Variants in RUSC1 observed in about 807,000 individuals in gnomAD.
RUSC1 encodes the protein AP-4 complex accessory subunit RUSC1.
RUSC1 carries 40 observed loss-of-function variants against 72.1 expected under a neutral mutation model. The ratio of observed to expected loss-of-function variants is 0.55; its 90% CI spans 0.43 to 0.72. The LOEUF is 0.72. Among genes scored for constraint, RUSC1 ranks in the 30% least tolerant of loss-of-function variants. The probability of loss-of-function intolerance (pLI) is 0.00; values close to 1 mark genes in which losing one functional copy is unlikely to be tolerated. For synonymous variants in RUSC1, 512 were observed against 494.2 expected (o/e 1.04, Z -0.48); for missense variants, 1,092 against 1,172.3 (o/e 0.93, Z 1.00).
intron 2 of RUSC1, chr1:155,324,045 A>C: frequency 1.8e-6 from 2 of 1,087,948 alleles, no homozygotes; most frequent in South Asian, 5.1e-5. Flanking sequence ...CTCTCCCTCC[A>C]GACCCACCTG....
chr1:155,324,708 C>T, intron 2 of RUSC1, 137 bp from the exon 3 acceptor site: 2 of 1,557,020 alleles, frequency 1.3e-6, no homozygotes, highest in South Asian at 2.4e-5. Flanking sequence ...GTGCTTCAGG[C>T]GGTCCTGCGC....
chr1:155,325,757 T>TCC lies in RUSC1; in HGVS notation c.1814+88_1814+89dup, dbSNP rs1443450599. 1.3e-6 allele frequency: 2 copies of TCC among 1,582,794 alleles called. No homozygotes were observed. The highest frequency in any genetic ancestry group is 2.7e-5 in the African/African-American group (2 of 74,064). On this transcript the variant is annotated intron_variant, in intron 6 of 9. Transcript: ENST00000368352. The surrounding 1 kb of genome is among the most constrained non-coding windows in gnomAD (Gnocchi z 6.5). ...TGGGACACAGTAGTAGTGCCTCACA[T>TCC]CCCCAGAGAAGGCCCCCCCTCTTCC...
chr1:155,323,831 A>C, intron 2 of RUSC1: 1 of 788,394 alleles, frequency 1.3e-6, no homozygotes, highest in Non-Finnish European at 1.5e-6. Flanking sequence ...GACCCGGGCT[A>C]GCCCCGCGGG....
rs186979612 is a variant in RUSC1, at chr1:155,329,790, A to T, written c.2541-613A>T. Among the ~76,000 whole-genome samples the T allele has an allele frequency of 5.8e-4, 88 of 151,910 alleles. No individual in the cohort carries two copies. In the East Asian group the frequency reaches 0.016, roughly 28 times the overall value. On this transcript the variant is annotated intron_variant, in intron 9 of 9. Coordinates refer to ENST00000368352, the MANE Select transcript of RUSC1 (RefSeq NM_001105203.2). The stretch of plus-strand genomic sequence containing the variant: ...GTCAACATGGTGAAACCCCGTCTCT[A>T]CTAAAAATACAAAAATTAGCCAGGC...
At chr1:155,321,142 C>G in intron 1 of RUSC1, 151 bp downstream of exon 1, 2 of 1,378,018 alleles carry the variant, frequency 1.5e-6, no homozygotes, top group South Asian at 2.3e-5. Flanking sequence ...TACCGCTGTT[C>G]CGAGGGGCGA....
rs1157861864 is a variant in RUSC1, at chr1:155,326,510, T to G, written c.1862-70T>G. The G allele has an allele frequency of 2.7e-6, 4 of 1,463,904 alleles. No individual in the cohort carries two copies. Among genetic ancestry groups the G allele is most frequent in the Admixed American group, 2.0e-5 (1 of 51,154 alleles). The allele number at this position is 1,463,904 out of a possible 1,614,324, so 90.7% of individuals were successfully genotyped here. On this transcript the variant is annotated intron_variant, in intron 7 of 9. Transcript: ENST00000368352. This position sits in a 1 kb window ranked among gnomAD's most constrained non-coding sequence, Gnocchi z 4.7. Reference sequence around the variant, plus strand: ...GCCTGGGAAGATGTGTGCTGACTGGTGGGCTGCTCTGGGGGGTCTTCTGGG... The same window carrying G: ...GCCTGGGAAGATGTGTGCTGACTGGGGGGCTGCTCTGGGGGGTCTTCTGGG...
chr1:155,330,491 G>A lies in RUSC1; in HGVS notation c.2629G>A (p.Val877Met). 1 of 1,614,104 alleles carries A rather than the reference G, an allele frequency of 6.2e-7. No homozygotes were observed. Among genetic ancestry groups the A allele is most frequent in the Non-Finnish European group, 8.5e-7 (1 of 1,180,016 alleles). The change falls in exon 10 of 10, where the codon GTG becomes ATG. Residue 877 changes from valine (V) to methionine (M), a missense_variant. Coordinates refer to ENST00000368352, the MANE Select transcript of RUSC1 (RefSeq NM_001105203.2). ...GGAAGTGCTGCGTGTCATCACCACA[G>A]TGGATGAGGACTGGCTCCGCTGTGG... ...RGEVLRVITT[V>M]DEDWLRCGRD...
At chr1:155,321,095 G>A (rs771431669) in intron 1 of RUSC1, 104 bp downstream of exon 1, 170 of 1,396,700 alleles carry the variant, frequency 1.2e-4, no homozygotes, top group Non-Finnish European at 1.6e-4. Context: ...GTGCGGTGGT[G>A]GCTGAACGAT....
Position 155,322,169 on chromosome 1 carries a change from C to A in RUSC1, c.396C>A (p.Ala132=). Residue 132 remains alanine (A), a synonymous_variant, in exon 2 of 10, where the codon GCC becomes GCA. Coordinates refer to ENST00000368352, the MANE Select transcript of RUSC1 (RefSeq NM_001105203.2). ...GGGACCTCCCTGGTGATGAGGATGC[C>A]CACCCTCAGCCCAGTATCATCCCCC... ...YLRDLPGDED[A]HPQPSIIPLE... is the part of the protein sequence containing the mutation. 6.2e-7 allele frequency: 1 copy of A among 1,600,658 alleles called. No individual in the cohort carries two copies. Among genetic ancestry groups the A allele is most frequent in the Non-Finnish European group, 8.5e-7 (1 of 1,171,312 alleles).
Position 155,326,827 on chromosome 1 carries a change from C to A in RUSC1, c.2109C>A (p.Ala703=). 6.2e-7 allele frequency: 1 copy of A among 1,613,610 alleles called. No individual in the cohort carries two copies. Among genetic ancestry groups the A allele is most frequent in the Non-Finnish European group, 8.5e-7 (1 of 1,180,046 alleles). The change falls in exon 8 of 10, where the codon GCC becomes GCA. Residue 703 remains alanine, a synonymous_variant. Transcript: ENST00000368352. This position sits in a 1 kb window ranked among gnomAD's most constrained non-coding sequence, Gnocchi z 4.7. ...QAMLHFGGRL[A]QSLRGTSKEA... ...TGCTGCACTTTGGGGGCCGGCTGGC[C>A]CAGAGCCTTCGGGGGACTTCCAAGG...
At position 155,321,555 on chromosome 1, in the gene RUSC1, G is replaced by A. The variant is rs1158511923; in HGVS notation, c.-86-133G>A. The A allele has an allele frequency of 5.3e-6, 7 of 1,324,600 alleles. No homozygotes were observed. In the African/African-American group the frequency reaches 6.0e-5, roughly 11 times the overall value. 82.1% of individuals were successfully genotyped at this position (1,324,600 alleles called of 1,614,324 possible). ...TGGAAACTAATGGTCAGTCGATTGC[G>A]ATTTGCATCTCATTGAAATATCTTC... is the stretch of plus-strand genomic sequence containing the variant. On this transcript the variant is annotated intron_variant, in intron 1 of 9. Coordinates refer to ENST00000368352, the MANE Select transcript of RUSC1 (RefSeq NM_001105203.2).
Position 155,325,257 on chromosome 1 carries a change from AG to A in RUSC1, c.1534-57del, listed in dbSNP as rs1326441110. 2.5e-6 allele frequency: 4 copies of A among 1,609,900 alleles called. No homozygotes were observed. Among genetic ancestry groups the A allele is most frequent in the Non-Finnish European group, 3.4e-6 (4 of 1,179,802 alleles). ...GGGGGGTGCGGGAATGGTTGGCGGG[AG>A]GTGGCTGGGAGGTGTCTGGAGGGAT... On this transcript the variant is annotated intron_variant, in intron 4 of 9. Transcript: ENST00000368352. This position sits in a 1 kb window ranked among gnomAD's most constrained non-coding sequence, Gnocchi z 6.5.
In RUSC1 at chr1:155,326,085, C is replaced by A; in HGVS notation, c.1861+175C>A. 3 of 716,320 alleles carry A rather than the reference C, an allele frequency of 4.2e-6. No individual in the cohort carries two copies. The highest frequency in any genetic ancestry group is 7.0e-6 in the Non-Finnish European group (3 of 429,178). 44.4% of individuals were successfully genotyped at this position (716,320 alleles called of 1,614,324 possible). A position where few individuals can be genotyped will look rare whatever the true frequency, so the allele number is the denominator to read the frequency against. ...GCCCATCGCCCATAGGATGAAAGACCCAAAGCCTTGGCTGTCTGGCCTCTG... is the reference window on the plus strand; with the variant it reads ...GCCCATCGCCCATAGGATGAAAGACACAAAGCCTTGGCTGTCTGGCCTCTG... On this transcript the variant is annotated intron_variant, in intron 7 of 9. Transcript: ENST00000368352. The surrounding 1 kb of genome is among the most constrained non-coding windows in gnomAD (Gnocchi z 4.7).
rs750732069 is a variant in RUSC1, at chr1:155,326,848, C to A, written c.2130C>A (p.Ser710=). 20 of 1,613,682 alleles carry A rather than the reference C, an allele frequency of 1.2e-5. No individual in the cohort carries two copies. The South Asian group carries it at 2.2e-4, about 18-fold the overall frequency. Residue 710 remains serine, a synonymous_variant, in exon 8 of 10, where the codon TCC becomes TCA. Transcript: ENST00000368352. This position sits in a 1 kb window ranked among gnomAD's most constrained non-coding sequence, Gnocchi z 4.7. The part of the protein sequence containing the change: ...GRLAQSLRGT[S]KEAASDPSDS... ...TGGCCCAGAGCCTTCGGGGGACTTCCAAGGAAGCTGCTTCAGACCCCTCTG... is the reference window on the plus strand; with the variant it reads ...TGGCCCAGAGCCTTCGGGGGACTTCAAAGGAAGCTGCTTCAGACCCCTCTG...
rs147951352 is a variant in RUSC1 at position 155,330,418 on chromosome 1, C to G, written c.2556C>G (p.Leu852=). Residue 852 remains leucine (L), a synonymous_variant, in exon 10 of 10, where the codon CTC becomes CTG. Transcript: ENST00000368352. Reference sequence around the variant, plus strand: ...CTCCCCTCAGGGCAGTGCGGGCTCTCTGTGATCACACTGCTGCAAGACCTG... The same window carrying G: ...CTCCCCTCAGGGCAGTGCGGGCTCTGTGTGATCACACTGCTGCAAGACCTG... ...MVQTHRAVRA[L]CDHTAARPDQ... 20 of 1,612,758 alleles carry G rather than the reference C, an allele frequency of 1.2e-5. No individual in the cohort carries two copies. Among genetic ancestry groups the G allele is most frequent in the Non-Finnish European group, 1.6e-5 (19 of 1,180,046 alleles).
In RUSC1 at chr1:155,328,182, G is replaced by A; in HGVS notation, c.2447G>A (p.Ser816Asn). The A allele has an allele frequency of 6.2e-7, 1 of 1,613,582 alleles. No individual in the cohort carries two copies. The highest frequency in any genetic ancestry group is 8.5e-7 in the Non-Finnish European group (1 of 1,179,792). Residue 816 changes from serine to asparagine, a missense_variant, in exon 9 of 10, where the codon AGT (serine) becomes AAT (asparagine). Transcript: ENST00000368352. ...RPSSWLPPTV[S>N]VLALVKRGAP... ...TCTAGCTGGCTGCCCCCGACAGTGA[G>A]TGTGTTGGCTCTTGTGAAGCGGGGG...
At chr1:155,324,696 C>T in intron 2 of RUSC1, 149 bp from the exon 3 acceptor site, 7 of 1,554,150 alleles carry the variant, frequency 4.5e-6, no homozygotes, top group South Asian at 1.2e-5. Context: ...TCGAGCTACC[C>T]CGTGCTTCAG....
intron 1 of RUSC1, chr1:155,321,299 C>T (rs748740792): frequency 2.2e-6 from 3 of 1,370,868 alleles, no homozygotes; most frequent in East Asian, 4.5e-5. Flanking sequence ...CATCCTCCAC[C>T]TCCTTTCAGG....
At position 155,323,047 on chromosome 1, in the gene RUSC1, C is replaced by T; in HGVS notation, c.1274C>T (p.Ser425Phe). The change falls in exon 2 of 10, where the codon TCC becomes TTC. Residue 425 changes from serine to phenylalanine, a missense_variant. By Grantham distance (155) the Ser-to-Phe change is radical. Coordinates refer to ENST00000368352, the MANE Select transcript of RUSC1 (RefSeq NM_001105203.2). The stretch of plus-strand genomic sequence containing the variant: ...CTGCAGCCCATAGCGGAGGGGCAGT[C>T]CGAGGAGGGCCGGGCTGTCAGCCCA... ...PGLQPIAEGQSEEGRAVSPAA... is the reference protein window; with the variant it reads ...PGLQPIAEGQFEEGRAVSPAA... The T allele has an allele frequency of 6.9e-7, 1 of 1,446,612 alleles. No individual in the cohort carries two copies. Among genetic ancestry groups the T allele is most frequent in the Non-Finnish European group, 9.1e-7 (1 of 1,100,706 alleles). The allele number at this position is 1,446,612 out of a possible 1,614,324, so 89.6% of individuals were successfully genotyped here. A position where few individuals can be genotyped will look rare whatever the true frequency, so the allele number is the denominator to read the frequency against.
Sources: allele counts gnomAD v4.1 joint callset (sites outside exome capture counted in the v4.1 genomes callset), GRCh38; gene constraint gnomAD v4.1.1; non-coding constraint Gnocchi (gnomAD v3.1); transcripts MANE v1.5; gene names NCBI Gene and HGNC (gene_info 2026-07-23, HGNC 2026-07-21).